PCDHA4: variants seen among roughly 807,000 people sequenced by gnomAD.
PCDHA4 encodes the protein protocadherin alpha 4, also known as protocadherin alpha-4.
A neutral mutation model predicts 61.4 loss-of-function variants in PCDHA4; 49 were observed. That is an observed-to-expected ratio of 0.80 (90% confidence interval 0.63 to 1.01). The LOEUF (loss-of-function observed/expected upper bound fraction) is 1.01, where lower values mean the gene tolerates loss of function less well. Ranked by LOEUF, PCDHA4 falls within the 50% of genes least tolerant of loss-of-function variation. PCDHA4 has a pLI of 0.00. For missense variants in PCDHA4, 1,254 were observed against 1,235.8 expected, an observed-to-expected ratio of 1.01 and a Z score of -0.22; for synonymous variants, 590 against 550.3, an observed-to-expected ratio of 1.07 and a Z score of -1.01.
intron 1 of PCDHA4, chr5:140,877,449 G>A: frequency 1.2e-6 from 2 of 1,613,848 alleles, no homozygotes; most frequent in Non-Finnish European, 1.7e-6. Flanking sequence ...AGCCCGCGCT[G>A]ACGTCCACGG....
At chr5:140,871,209 C>T (rs955703694) in intron 1 of PCDHA4, 19 of 1,613,704 alleles carry the variant, frequency 1.2e-5, no homozygotes, top group East Asian at 4.5e-5. Flanking sequence ...TGATCATCGC[C>T]ATCTGCGTGG....
chr5:140,967,873 C>T lies in PCDHA4; in HGVS notation c.2386-11076C>T, dbSNP rs1554230047. On this transcript the variant is annotated intron_variant, in intron 1 of 3. Transcript: ENST00000530339. ...ATGCCCCAGAGGTGGTGCTCACGGA[C>T]CTGTATAGCCCAGTGCCTGAGAATG... 1.9e-6 allele frequency: 3 copies of T among 1,614,152 alleles called. No homozygotes were observed. In the Admixed American group the frequency reaches 5.0e-5, roughly 27 times the overall value.
intron 1 of PCDHA4, chr5:140,863,305 T>C: frequency 1.4e-6 from 2 of 1,463,102 alleles, no homozygotes; most frequent in Non-Finnish European, 1.9e-6. Context: ...CATCGCCATC[T>C]GCGTGGTGTC....
chr5:140,880,970 C>A (rs2058546777), intron 1 of PCDHA4, among the ~76,000 whole-genome samples: 1 of 152,070 alleles, frequency 6.6e-6, no homozygotes, highest in South Asian at 2.1e-4. Context: ...TAAGAGAATA[C>A]CAAATACTCT....
At chr5:140,840,708 CA>C (rs1191329041) in intron 1 of PCDHA4, among the ~76,000 whole-genome samples, 5 of 151,964 alleles carry the variant, frequency 3.3e-5, no homozygotes, top group African/African-American at 1.2e-4. Context: ...GGCAATTTGA[CA>C]TTTATTGAAT....
chr5:140,841,081 A>G (rs2150310957), intron 1 of PCDHA4: 5 of 541,186 alleles, frequency 9.2e-6, no homozygotes, highest in East Asian at 3.1e-5. Context: ...TAGAAAGTGC[A>G]TAGAAGAACC....
chr5:140,927,453 G>T, intron 1 of PCDHA4: 3 of 1,614,168 alleles, frequency 1.9e-6, no homozygotes, highest in Non-Finnish European at 2.5e-6. Context: ...AGTTGGTGTT[G>T]GAGAAAGCAC....
chr5:140,925,570 A>G (rs531387558), intron 1 of PCDHA4, among the ~76,000 whole-genome samples: 1 of 152,008 alleles, frequency 6.6e-6, no homozygotes, highest in African/African-American at 2.4e-5. Flanking sequence ...TGGGTGCAGC[A>G]CACCAACATG....
chr5:140,856,016 A>G (rs2043730978), intron 1 of PCDHA4: 2 of 1,550,936 alleles, frequency 1.3e-6, no homozygotes, highest in East Asian at 2.3e-5. Flanking sequence ...TAGACCGCTG[A>G]TTCGTCGATT....
chr5:140,871,506 A>C (rs997428507), intron 1 of PCDHA4: 2 of 1,580,864 alleles, frequency 1.3e-6, no homozygotes, highest in Admixed American at 1.8e-5. Flanking sequence ...TGAGTTTTCT[A>C]CAGATTCCAC....
At position 140,855,056 on chromosome 5, in the gene PCDHA4, G is replaced by A. The variant is rs1045590902; in HGVS notation, c.2385+45484G>A. The stretch of plus-strand genomic sequence containing the variant: ...GATTTTTCTGTAATAGTACTTTTCT[G>A]TTTTCTTAAATACAGAAACCACCAC... On this transcript the variant is annotated intron_variant, in intron 1 of 3. Coordinates refer to ENST00000530339, the MANE Select transcript of PCDHA4 (RefSeq NM_018907.4). Among the ~76,000 whole-genome samples, 11 of 149,630 alleles carry A rather than the reference G, an allele frequency of 7.4e-5. 2 individuals are homozygous for A. The highest frequency in any genetic ancestry group is 1.6e-4 in the Non-Finnish European group (11 of 66,976).
Position 140,809,380 on chromosome 5 carries a change from G to C in PCDHA4, c.2193G>C (p.Ala731=), listed in dbSNP as rs1229745044. The change falls in exon 1 of 4, where the codon GCG becomes GCC. Residue 731 remains alanine (A), a synonymous_variant. Transcript: ENST00000530339. Reference sequence around the variant, plus strand: ...GCTCTGCGCTGCCCACCGAGGGCGCGTGCGCTCCGGGCAAGCCCACGCTGG... The same window carrying C: ...GCTCTGCGCTGCCCACCGAGGGCGCCTGCGCTCCGGGCAAGCCCACGCTGG... ...LRCSALPTEG[A]CAPGKPTLVC... The C allele has an allele frequency of 2.5e-6, 4 of 1,614,042 alleles. No homozygotes were observed. The East Asian group carries it at 8.9e-5, about 36-fold the overall frequency.
chr5:140,861,488 T>C lies in PCDHA4; in HGVS notation c.2385+51916T>C, dbSNP rs182152713. 8.2e-6 allele frequency: 4 copies of C among 489,384 alleles called. No individual in the cohort carries two copies. In the East Asian group the frequency reaches 1.8e-4, roughly 21 times the overall value. The allele number at this position is 489,384 out of a possible 1,614,324, so 30.3% of individuals were successfully genotyped here. A position where few individuals can be genotyped will look rare whatever the true frequency, so the allele number is the denominator to read the frequency against. On this transcript the variant is annotated intron_variant, in intron 1 of 3. Transcript: ENST00000530339. ...ATCTGCAGAATGGCATTTTTGTGAGTTCTCTGATAGACCTCGAGGAGCTGT... is the reference window on the plus strand; with the variant it reads ...ATCTGCAGAATGGCATTTTTGTGAGCTCTCTGATAGACCTCGAGGAGCTGT...
chr5:140,987,799 A>C (rs2097268880), intron 3 of PCDHA4, among the ~76,000 whole-genome samples: 2 of 152,140 alleles, frequency 1.3e-5, no homozygotes, highest in South Asian at 4.1e-4. Flanking sequence ...GATTTTTTTA[A>C]AGTGCCTGTC....
In PCDHA4 at chr5:140,853,931, G is replaced by T. The variant is rs2042911351; in HGVS notation, c.2385+44359G>T. The T allele has an allele frequency of 3.5e-6, 3 of 868,826 alleles. No homozygotes were observed. The South Asian group carries it at 1.6e-4, about 45-fold the overall frequency. The allele number at this position is 868,826 out of a possible 1,614,324, so 53.8% of individuals were successfully genotyped here. A position where few individuals can be genotyped will look rare whatever the true frequency, so the allele number is the denominator to read the frequency against. ...CACCTGCAATCCCAACATTTTGGGA[G>T]GCCAAGGTGGGAGGGTCCCTTCCTT... On this transcript the variant is annotated intron_variant, in intron 1 of 3. Coordinates refer to ENST00000530339, the MANE Select transcript of PCDHA4 (RefSeq NM_018907.4).
At chr5:140,962,037 C>G (rs1449536712) in intron 1 of PCDHA4, among the ~76,000 whole-genome samples, 1 of 152,066 alleles carries the variant, frequency 6.6e-6, no homozygotes, top group African/African-American at 2.4e-5. Flanking sequence ...GCACCCACCA[C>G]CATGCCTGGC....
In PCDHA4 at chr5:140,961,268, T is replaced by C. The variant is rs116524101; in HGVS notation, c.2386-17681T>C. Reference sequence around the variant, plus strand: ...TATCCGAAGCTCCAGGAAGCTTCTTTTTACCATGGCTCTGTTTCTTGAGGT... The same window carrying C: ...TATCCGAAGCTCCAGGAAGCTTCTTCTTACCATGGCTCTGTTTCTTGAGGT... On this transcript the variant is annotated intron_variant, in intron 1 of 3. Coordinates refer to ENST00000530339, the MANE Select transcript of PCDHA4 (RefSeq NM_018907.4). Among the ~76,000 whole-genome samples the C allele has an allele frequency of 5.5e-3, 833 of 152,318 alleles. 9 individuals carry two copies. The highest frequency in any genetic ancestry group is 0.019 in the African/African-American group (777 of 41,562).
intron 1 of PCDHA4, among the ~76,000 whole-genome samples, chr5:140,885,181 T>A (rs561922365): frequency 6.6e-6 from 1 of 152,330 alleles, no homozygotes; most frequent in African/African-American, 2.4e-5. Flanking sequence ...TCTAGGCACA[T>A]CAGTGTTCCC....
intron 1 of PCDHA4, among the ~76,000 whole-genome samples, chr5:140,970,662 C>T (rs575204326): frequency 6.6e-6 from 1 of 152,268 alleles, no homozygotes; most frequent in South Asian, 2.1e-4. Flanking sequence ...TGTTATCTTT[C>T]CAAATAACTA....
Sources: gnomAD v4.1 joint callset for allele counts (sites outside exome capture counted in the v4.1 genomes callset) on GRCh38, gnomAD v4.1.1 for gene constraint, MANE v1.5 for transcripts, NCBI Gene and HGNC (gene_info 2026-07-23, HGNC 2026-07-21) for gene names.